The following SPIN1 variants were observed in gnomAD, a reference collection of about 807,000 sequenced individuals.
SPIN1 encodes spindlin 1.
Under a neutral mutation model 26.0 loss-of-function variants are expected in SPIN1, and 3 were observed. That is an observed-to-expected ratio of 0.12 (90% CI 0.05 to 0.30). The LOEUF (loss-of-function observed/expected upper bound fraction) is 0.30, where lower values mean the gene tolerates loss of function less well. Ranked by LOEUF, SPIN1 falls within the 10% of genes least tolerant of loss-of-function variation. The pLI, the probability that SPIN1 is intolerant of heterozygous loss-of-function variation, is 1.00. For missense variants in SPIN1, 126 were observed against 333.4 expected, an observed-to-expected ratio of 0.38 and a Z score of 4.84; for synonymous variants, 101 against 116.5, an observed-to-expected ratio of 0.87 and a Z score of 0.86.
intron 1 of SPIN1, among the ~76,000 whole-genome samples, chr9:88,395,702 C>A (rs2117876480): frequency 6.6e-6 from 1 of 152,046 alleles, no homozygotes; most frequent in African/African-American, 2.4e-5. Flanking sequence ...TTTACCTGGG[C>A]TTCCCAAAAA....
intron 1 of SPIN1, among the ~76,000 whole-genome samples, chr9:88,417,427 A>G (rs571526175): frequency 6.6e-6 from 1 of 152,062 alleles, no homozygotes; most frequent in African/African-American, 2.4e-5. Flanking sequence ...GACTGCCCCC[A>G]TTTCTCATGC....
intron 1 of SPIN1, among the ~76,000 whole-genome samples, chr9:88,396,810 GTAATA>G (rs1233862262): frequency 6.6e-6 from 1 of 152,086 alleles, no homozygotes; most frequent in Non-Finnish European, 1.5e-5. Context: ...CCTAGGCTAT[GTAATA>G]TGGCTTAATG....
chr9:88,475,047 C>CTTTTT (rs11320023), intron 5 of SPIN1, 31 bp from the exon 6 acceptor site: 58 of 841,744 alleles, frequency 6.9e-5, no homozygotes, highest in South Asian at 3.9e-4. Flanking sequence ...CTCTCTCTCT[C>CTTTTT]TTTTTTTTTT....
intron 1 of SPIN1, chr9:88,410,449 T>A: frequency 1.5e-6 from 1 of 662,688 alleles, no homozygotes. Context: ...TGTGCTTGGC[T>A]GAATTCACAA....
chr9:88,398,015 C>T lies in SPIN1; in HGVS notation c.-159+9477C>T, dbSNP rs192840457. ...TGGCTCATTGCAGCCTCGACCTTCC[C>T]GGACTCAGGTGATCTTCCCATCTCA... On this transcript the variant is annotated intron_variant, in intron 1 of 5. Coordinates refer to ENST00000375859, the MANE Select transcript of SPIN1 (RefSeq NM_006717.3). 2.7e-3 allele frequency among the ~76,000 whole-genome samples: 404 copies of T among 151,784 alleles called. 11 individuals are homozygous for T. The highest frequency in any genetic ancestry group is 0.024 in the Admixed American group (364 of 15,144).
At position 88,470,258 on chromosome 9, in the gene SPIN1, G is replaced by T. The variant is rs1443843732; in HGVS notation, c.589+1653G>T. 5.9e-5 allele frequency among the ~76,000 whole-genome samples: 9 copies of T among 152,308 alleles called. No homozygotes were observed. In the East Asian group the frequency reaches 1.7e-3, roughly 29 times the overall value. ...TGTTTCCCCACCTCTTGGTTATTAT[G>T]AATAATGCTGCTGTAAACATTTTTG... is the stretch of plus-strand genomic sequence containing the variant. On this transcript the variant is annotated intron_variant, in intron 5 of 5. Coordinates refer to ENST00000375859, the MANE Select transcript of SPIN1 (RefSeq NM_006717.3).
intron 4 of SPIN1, among the ~76,000 whole-genome samples, chr9:88,464,849 C>A: frequency 6.6e-6 from 1 of 152,082 alleles, no homozygotes; most frequent in Non-Finnish European, 1.5e-5. Flanking sequence ...TGAAACAGAT[C>A]TCCAGAACTA....
chr9:88,398,018 A>G (rs2117887921), intron 1 of SPIN1, among the ~76,000 whole-genome samples: 1 of 147,768 alleles, frequency 6.8e-6, no homozygotes, highest in African/African-American at 2.5e-5. Context: ...ACCTTCCCGG[A>G]CTCAGGTGAT....
rs1828895996 is a variant in SPIN1, at chr9:88,476,795, T to C, written c.*1518T>C. On this transcript the variant is annotated 3_prime_UTR_variant, in exon 6 of 6. Transcript: ENST00000375859. ...GGAGAAAGGCCATATGTGAAACCAG[T>C]CTCTTGTGGAGATTGGAAATCCTCC... 1 of 152,172 alleles carries C rather than the reference T, an allele frequency of 6.6e-6. No homozygotes were observed. Among genetic ancestry groups the C allele is most frequent in the Admixed American group, 6.5e-5 (1 of 15,282 alleles). The allele number at this position is 152,172 out of a possible 1,614,324, so 9.4% of individuals were successfully genotyped here.
At chr9:88,411,679 A>G (rs751680885) in intron 1 of SPIN1, among the ~76,000 whole-genome samples, 2 of 151,594 alleles carry the variant, frequency 1.3e-5, no homozygotes, top group East Asian at 1.9e-4. Context: ...ATGCCTGACT[A>G]ATTTTTTAAA....
In SPIN1 at chr9:88,462,842, T is replaced by C. The variant is rs1587813872; in HGVS notation, c.355+93T>C. 7 of 1,357,426 alleles carry C rather than the reference T, an allele frequency of 5.2e-6. No individual in the cohort carries two copies. The South Asian group carries it at 7.5e-5, about 15-fold the overall frequency. The allele number at this position is 1,357,426 out of a possible 1,614,324, so 84.1% of individuals were successfully genotyped here. ...TTTTACATTATTAATACTTCACTTT[T>C]ATTGGAACACAAGCACCCTTCTTGA... is the stretch of plus-strand genomic sequence containing the variant. On this transcript the variant is annotated intron_variant, in intron 4 of 5. Transcript: ENST00000375859.
chr9:88,457,782 T>C (rs891359384), intron 3 of SPIN1: 1 of 942,748 alleles, frequency 1.1e-6, no homozygotes, highest in East Asian at 1.2e-4. Context: ...CTGAAAGAAT[T>C]ACCAGAGGAT....
At chr9:88,406,559 T>C (rs1264327951) in intron 1 of SPIN1, among the ~76,000 whole-genome samples, 2 of 152,194 alleles carry the variant, frequency 1.3e-5, no homozygotes, top group East Asian at 1.9e-4. Context: ...CCCAAAGTGC[T>C]GGGATTACAG....
rs533998898 is a variant in SPIN1, at chr9:88,468,344, A to C, written c.356-28A>C. The C allele has an allele frequency of 4.3e-6, 5 of 1,162,518 alleles. No homozygotes were observed. In the South Asian group the frequency reaches 6.6e-5, roughly 15 times the overall value. 72.0% of individuals were successfully genotyped at this position (1,162,518 alleles called of 1,614,324 possible). On this transcript the variant is annotated intron_variant, in intron 4 of 5. Coordinates refer to ENST00000375859, the MANE Select transcript of SPIN1 (RefSeq NM_006717.3). ...CGGTAATCAGCGAAACACTTTGTCAACTTTTTTTTTTTTTTTTTAATCCCC... is the reference window on the plus strand; with the variant it reads ...CGGTAATCAGCGAAACACTTTGTCACCTTTTTTTTTTTTTTTTTAATCCCC...
intron 4 of SPIN1, among the ~76,000 whole-genome samples, chr9:88,463,430 T>C (rs1489263955): frequency 6.6e-6 from 1 of 152,264 alleles, no homozygotes; most frequent in African/African-American, 2.4e-5. Flanking sequence ...GATGCTGCTC[T>C]TGTTTAAAAT....
At chr9:88,413,736 G>T (rs963811824) in intron 1 of SPIN1, among the ~76,000 whole-genome samples, 6 of 152,126 alleles carry the variant, frequency 3.9e-5, no homozygotes, top group African/African-American at 1.4e-4. Flanking sequence ...CAATTGTGGG[G>T]TGGTCTTTGG....
At chr9:88,398,551 G>A (rs1827117774) in intron 1 of SPIN1, among the ~76,000 whole-genome samples, 1 of 152,026 alleles carries the variant, frequency 6.6e-6, no homozygotes, top group South Asian at 2.1e-4. Flanking sequence ...GTCATACAGT[G>A]ATTATTAAGT....
intron 5 of SPIN1, among the ~76,000 whole-genome samples, chr9:88,473,625 T>A (rs1436295632): frequency 6.7e-6 from 1 of 149,112 alleles, no homozygotes; most frequent in Non-Finnish European, 1.5e-5. Flanking sequence ...ATCTTCCCTC[T>A]CCTTTAATTC....
rs139424246 is a variant in SPIN1, at chr9:88,401,517, A to G, written c.-159+12979A>G. 1.4e-4 allele frequency among the ~76,000 whole-genome samples: 21 copies of G among 152,304 alleles called. No individual in the cohort carries two copies. The East Asian group carries it at 3.1e-3, about 22-fold the overall frequency. The stretch of plus-strand genomic sequence containing the variant: ...ATGGTGTAGTATTTGCATATAATCT[A>G]TGCATATCTTTCTGTATACTTTAAT... On this transcript the variant is annotated intron_variant, in intron 1 of 5. Coordinates refer to ENST00000375859, the MANE Select transcript of SPIN1 (RefSeq NM_006717.3).
Sources: allele counts gnomAD v4.1 joint callset (sites outside exome capture counted in the v4.1 genomes callset), GRCh38; gene constraint gnomAD v4.1.1; transcripts MANE v1.5; gene names NCBI Gene and HGNC (gene_info 2026-07-23, HGNC 2026-07-21).